MED13L: variants seen among roughly 807,000 people sequenced by gnomAD.
MED13L encodes mediator of RNA polymerase II transcription subunit 13-like.
Under a neutral mutation model 220.9 loss-of-function variants are expected in MED13L, and 7 were observed. The ratio of observed to expected loss-of-function variants is 0.03; its 90% CI spans 0.02 to 0.06. The LOEUF (loss-of-function observed/expected upper bound fraction) is 0.06, where lower values mean the gene tolerates loss of function less well. Among genes scored for constraint, MED13L ranks in the 10% least tolerant of loss-of-function variants. The pLI is 1.00. For synonymous variants in MED13L, 1,011 were observed against 1,015.2 expected (o/e 1.00, Z 0.08); for missense variants, 1,965 against 2,760.5 (o/e 0.71, Z 6.46).
intron 1 of MED13L, among the ~76,000 whole-genome samples, chr12:116,275,084 C>G (rs2138607992): frequency 6.6e-6 from 1 of 151,990 alleles, no homozygotes; most frequent in East Asian, 1.9e-4. Flanking sequence ...ATATACACAG[C>G]CATTACCAGT....
At chr12:116,257,125 A>T (rs71469755) in intron 1 of MED13L, among the ~76,000 whole-genome samples, 3 of 152,256 alleles carry the variant, frequency 2.0e-5, no homozygotes, top group Non-Finnish European at 2.9e-5. Flanking sequence ...GTATTTGTTA[A>T]CCTTAACTAT....
chr12:116,117,496 G>A (rs1229189192), intron 2 of MED13L, among the ~76,000 whole-genome samples: 1 of 151,696 alleles, frequency 6.6e-6, no homozygotes, highest in East Asian at 1.9e-4. Flanking sequence ...TTTACCATTG[G>A]GCCAAGTTTC....
rs1483700028 is a variant in MED13L at position 116,227,857 on chromosome 12, C to G, written c.310+9611G>C. On this transcript the variant is annotated intron_variant, in intron 2 of 30. Coordinates refer to ENST00000281928, the MANE Select transcript of MED13L (RefSeq NM_015335.5). ...ATTAAGCTTAGTGAAGAAGTCATGT[C>G]GAAAGCCAAGATAGGCTGAAAACTA... 2.6e-5 allele frequency among the ~76,000 whole-genome samples: 4 copies of G among 152,014 alleles called. No individual in the cohort carries two copies. In the South Asian group the frequency reaches 8.3e-4, roughly 32 times the overall value.
In MED13L at chr12:115,963,467, G is replaced by A. The variant is rs1263879991; in HGVS notation, c.6440C>T (p.Ala2147Val). The A allele has an allele frequency of 2.5e-6, 4 of 1,614,202 alleles. No homozygotes were observed. The highest frequency in any genetic ancestry group is 4.5e-5 in the East Asian group (2 of 44,884). ...GTGTGGAACCCGCTGAGAATTCCTG[G>A]CAGGCAGAAGTTCGTCTGTCTGTGC... ...SVAQTDELLPARNSQRVPHPL... is the reference protein window; with the variant it reads ...SVAQTDELLPVRNSQRVPHPL... The change falls in exon 30 of 31, where the codon GCC (alanine) becomes GTC (valine). Residue 2147 changes from alanine to valine, a missense_variant. Transcript: ENST00000281928.
chr12:116,267,668 A>G (rs1872935525), intron 1 of MED13L, among the ~76,000 whole-genome samples: 1 of 152,188 alleles, frequency 6.6e-6, no homozygotes, highest in Non-Finnish European at 1.5e-5. Context: ...GTTATTTCCC[A>G]TTTTACTGGG....
chr12:115,967,164 CTG>C (rs1459540557), intron 28 of MED13L, among the ~76,000 whole-genome samples: 1 of 84,768 alleles, frequency 1.2e-5, no homozygotes, highest in Non-Finnish European at 2.1e-5. Context: ...GAGTGAGACT[CTG>C]TCTCAAAAAA....
chr12:116,054,750 G>A (rs1457530345), intron 4 of MED13L, among the ~76,000 whole-genome samples: 1 of 152,110 alleles, frequency 6.6e-6, no homozygotes, highest in Non-Finnish European at 1.5e-5. Context: ...ATATACAGCT[G>A]GTGAGAATCT....
At chr12:116,055,876 C>T (rs190057963) in intron 4 of MED13L, among the ~76,000 whole-genome samples, 6 of 151,238 alleles carry the variant, frequency 4.0e-5, no homozygotes, top group Admixed American at 4.0e-4. Flanking sequence ...GCCTGGGCGA[C>T]AGTGAGACTC....
intron 2 of MED13L, among the ~76,000 whole-genome samples, chr12:116,171,411 T>A (rs1462738871): frequency 1.3e-5 from 2 of 152,238 alleles, no homozygotes; most frequent in African/African-American, 4.8e-5. Flanking sequence ...AACTTACATC[T>A]TCTTCTTATG....
chr12:116,138,023 A>AT (rs1445317794), intron 2 of MED13L, among the ~76,000 whole-genome samples: 12 of 151,624 alleles, frequency 7.9e-5, no homozygotes, highest in African/African-American at 2.7e-4. Context: ...CATCCGGCTA[A>AT]TTTTGTATTT....
intron 4 of MED13L, among the ~76,000 whole-genome samples, chr12:116,034,214 G>C (rs1459919633): frequency 6.6e-6 from 1 of 151,948 alleles, no homozygotes; most frequent in Non-Finnish European, 1.5e-5. Context: ...ACTAAATTTT[G>C]TGAGGACAGG....
At chr12:116,131,915 AGAG>A (rs1300694254) in intron 2 of MED13L, among the ~76,000 whole-genome samples, 2 of 151,284 alleles carry the variant, frequency 1.3e-5, no homozygotes, top group African/African-American at 4.9e-5. Context: ...CTAGGTGGCC[AGAG>A]GTTGCAGTGA....
intron 2 of MED13L, among the ~76,000 whole-genome samples, chr12:116,147,231 T>C (rs1877599641): frequency 6.6e-6 from 1 of 152,218 alleles, no homozygotes; most frequent in Non-Finnish European, 1.5e-5. Flanking sequence ...ATGACAGGGA[T>C]ACCATGTCCT....
chr12:115,991,648 T>G lies in MED13L; in HGVS notation c.3306A>C (p.Pro1102=). The G allele has an allele frequency of 6.2e-7, 1 of 1,613,974 alleles. No individual in the cohort carries two copies. Among genetic ancestry groups the G allele is most frequent in the Non-Finnish European group, 8.5e-7 (1 of 1,179,992 alleles). Residue 1102 remains proline (P), a synonymous_variant, in exon 17 of 31, where the codon CCA becomes CCC. Transcript: ENST00000281928. The surrounding 1 kb of genome is among the most constrained non-coding windows in gnomAD (Gnocchi z 7.7). ...CATAGAGGCTGTGGGCTTCGGGAAT[T>G]GGCTGCATGGTGGCGGGCTCCACAG... ...LNSVEPATMQ[P]IPEAHSLYVT...
intron 4 of MED13L, among the ~76,000 whole-genome samples, chr12:116,031,640 AG>A (rs1318380111): frequency 5.9e-5 from 1 of 17,024 alleles, no homozygotes; most frequent in Admixed American, 8.3e-4. Context: ...AGGGGAGGGG[AG>A]GGGGGACGGG....
chr12:116,011,883 C>T (rs1418647832), intron 9 of MED13L, among the ~76,000 whole-genome samples: 1 of 152,222 alleles, frequency 6.6e-6, no homozygotes, highest in African/African-American at 2.4e-5. Flanking sequence ...TAAGTGTACA[C>T]ACGCAGCAGT....
chr12:116,024,083 C>T (rs1880229215), intron 4 of MED13L, among the ~76,000 whole-genome samples: 1 of 152,048 alleles, frequency 6.6e-6, no homozygotes, highest in Non-Finnish European at 1.5e-5. Context: ...CCCAGTATCC[C>T]ATGTAGTTAC....
intron 4 of MED13L, among the ~76,000 whole-genome samples, chr12:116,059,377 T>C (rs1012209458): frequency 2.0e-5 from 3 of 152,020 alleles, no homozygotes; most frequent in Non-Finnish European, 2.9e-5. Context: ...ACAAGCTTGA[T>C]TTCACTGTCA....
intron 4 of MED13L, among the ~76,000 whole-genome samples, chr12:116,043,978 AT>A (rs1200666071): frequency 7.2e-5 from 11 of 152,372 alleles, no homozygotes; most frequent in African/African-American, 2.6e-4. Context: ...ACCACTGCAT[AT>A]AAAGCAGATG....
Sources: gnomAD v4.1 joint callset for allele counts (sites outside exome capture counted in the v4.1 genomes callset) on GRCh38, gnomAD v4.1.1 for gene constraint, Gnocchi (gnomAD v3.1) non-coding constraint, MANE v1.5 for transcripts, NCBI Gene and HGNC (gene_info 2026-07-23, HGNC 2026-07-21) for gene names.